Variants in LRRC4C observed in about 807,000 individuals in gnomAD.
The protein encoded by LRRC4C is leucine-rich repeat-containing protein 4C.
Under a neutral mutation model 33.6 loss-of-function variants are expected in LRRC4C, and 5 were observed. The observed-to-expected ratio is 0.15, with a 90% CI of 0.08 to 0.31. The LOEUF is 0.31. Ranked by LOEUF, LRRC4C falls within the 10% of genes least tolerant of loss-of-function variation. The pLI is 1.00. For synonymous variants in LRRC4C, 329 were observed against 302.0 expected (o/e 1.09, Z -0.93); for missense variants, 560 against 796.7 (o/e 0.70, Z 3.58).
chr11:40,870,153 C>T (rs1175520238), intron 2 of LRRC4C, among the ~76,000 whole-genome samples: 1 of 152,110 alleles, frequency 6.6e-6, no homozygotes, highest in Non-Finnish European at 1.5e-5. Context: ...AACAACAAGC[C>T]ATGTGGAGAA....
intron 3 of LRRC4C, among the ~76,000 whole-genome samples, chr11:40,606,639 A>G (rs1267953354): frequency 1.3e-5 from 2 of 152,160 alleles, no homozygotes; most frequent in African/African-American, 2.4e-5. Context: ...GAGCTGGCAA[A>G]AATTATATAT....
chr11:40,568,965 A>T (rs897588249), intron 3 of LRRC4C, among the ~76,000 whole-genome samples: 2 of 152,082 alleles, frequency 1.3e-5, no homozygotes, highest in African/African-American at 4.8e-5. Flanking sequence ...CTAGCTCTTT[A>T]CTCCACAGCT....
chr11:41,251,433 C>T (rs1309268466), intron 1 of LRRC4C, among the ~76,000 whole-genome samples: 2 of 152,190 alleles, frequency 1.3e-5, no homozygotes, highest in Non-Finnish European at 2.9e-5. Context: ...GTCCTAATAT[C>T]TCTCTGTATA....
chr11:40,277,840 C>T (rs1238445709), intron 4 of LRRC4C, among the ~76,000 whole-genome samples: 3 of 152,062 alleles, frequency 2.0e-5, no homozygotes, highest in Admixed American at 1.3e-4. Context: ...TGTTACCTAT[C>T]GCTGATTTTT....
chr11:40,727,652 G>A (rs1437111682), intron 2 of LRRC4C, among the ~76,000 whole-genome samples: 1 of 152,124 alleles, frequency 6.6e-6, no homozygotes, highest in Non-Finnish European at 1.5e-5. Context: ...CACAAACTAT[G>A]CATTCAACAG....
chr11:40,660,360 C>T (rs1603212), intron 2 of LRRC4C, among the ~76,000 whole-genome samples: 1 of 152,104 alleles, frequency 6.6e-6, no homozygotes, highest in Non-Finnish European at 1.5e-5. Context: ...GCAGAATAAC[C>T]CCAGCAGGCC....
At chr11:40,891,491 G>C (rs1351528887) in intron 2 of LRRC4C, among the ~76,000 whole-genome samples, 2 of 152,050 alleles carry the variant, frequency 1.3e-5, no homozygotes, top group African/African-American at 4.8e-5. Flanking sequence ...GAAAATATTT[G>C]CAAACTATCC....
chr11:41,198,883 A>G (rs1392651815), intron 1 of LRRC4C, among the ~76,000 whole-genome samples: 1 of 152,142 alleles, frequency 6.6e-6, no homozygotes, highest in Non-Finnish European at 1.5e-5. Context: ...TGAACTATGT[A>G]TTGAGCAAAA....
chr11:40,551,332 A>C (rs188274522), intron 3 of LRRC4C, among the ~76,000 whole-genome samples: 1 of 141,664 alleles, frequency 7.1e-6, no homozygotes, highest in East Asian at 2.4e-4. Flanking sequence ...AGGTGGTTGC[A>C]TGAGATCATT....
rs896581580 is a variant in LRRC4C at position 40,137,330 on chromosome 11, C to G, written c.-43+3471G>C. 2.0e-5 allele frequency among the ~76,000 whole-genome samples: 3 copies of G among 152,094 alleles called. No homozygotes were observed. In the East Asian group the frequency reaches 5.8e-4, roughly 29 times the overall value. ...GTCAATCAACATCTCTGATTGATAC[C>G]TGGATTTTTATTTTTATTTTTTTGC... On this transcript the variant is annotated intron_variant, in intron 6 of 6. Coordinates refer to ENST00000528697, the MANE Select transcript of LRRC4C (RefSeq NM_001258419.2).
intron 1 of LRRC4C, among the ~76,000 whole-genome samples, chr11:40,978,525 C>G (rs1017260631): frequency 4.6e-5 from 7 of 152,134 alleles, no homozygotes; most frequent in Non-Finnish European, 8.8e-5. Flanking sequence ...CATAGGACAG[C>G]CCCCTTCACA....
intron 1 of LRRC4C, among the ~76,000 whole-genome samples, chr11:41,433,740 C>T (rs948266555): frequency 3.3e-5 from 5 of 151,906 alleles, no homozygotes; most frequent in East Asian, 1.9e-4. Flanking sequence ...AGCTTGCAGA[C>T]GGCCTATTGT....
At chr11:40,196,968 T>G (rs184121508) in intron 5 of LRRC4C, among the ~76,000 whole-genome samples, 1 of 152,334 alleles carries the variant, frequency 6.6e-6, no homozygotes, top group Non-Finnish European at 1.5e-5. Flanking sequence ...AATTGCTTGC[T>G]AATTGGATAA....
At chr11:40,365,686 G>A (rs763466526) in intron 3 of LRRC4C, among the ~76,000 whole-genome samples, 1 of 152,012 alleles carries the variant, frequency 6.6e-6, no homozygotes, top group Non-Finnish European at 1.5e-5. Context: ...GACTCAAGCT[G>A]ATGATTGTCA....
At chr11:40,565,074 T>C (rs1957700937) in intron 3 of LRRC4C, among the ~76,000 whole-genome samples, 1 of 152,124 alleles carries the variant, frequency 6.6e-6, no homozygotes. Flanking sequence ...GAATAGATAG[T>C]GGAGGAGAGA....
chr11:40,677,318 G>A (rs988744114), intron 2 of LRRC4C, among the ~76,000 whole-genome samples: 4 of 152,124 alleles, frequency 2.6e-5, no homozygotes, highest in Non-Finnish European at 4.4e-5. Flanking sequence ...CCTGGGAGGC[G>A]GAGGTTGCAG....
chr11:40,592,884 T>G (rs189049416), intron 3 of LRRC4C, among the ~76,000 whole-genome samples: 21 of 152,322 alleles, frequency 1.4e-4, no homozygotes, highest in Non-Finnish European at 2.1e-4. Flanking sequence ...CAAGCAACAC[T>G]TCAGGATATT....
chr11:41,058,363 A>C (rs1254800704), intron 1 of LRRC4C, among the ~76,000 whole-genome samples: 7 of 152,218 alleles, frequency 4.6e-5, no homozygotes, highest in Non-Finnish European at 1.0e-4. Flanking sequence ...TGCCTGCCCC[A>C]CTGCACATAT....
rs552276143 is a variant in LRRC4C at position 40,994,764 on chromosome 11, C to T, written c.-495-61041G>A. ...ACTTGGATGGGCTCTTTCCTTTACT[C>T]TCGCCGGTTTTTTCTTTACTGTCTC... On this transcript the variant is annotated intron_variant, in intron 1 of 6. Coordinates refer to ENST00000528697, the MANE Select transcript of LRRC4C (RefSeq NM_001258419.2). Among the ~76,000 whole-genome samples the T allele has an allele frequency of 1.3e-4, 20 of 151,892 alleles. No individual in the cohort carries two copies. In the South Asian group the frequency reaches 4.2e-3, roughly 32 times the overall value.
Sources: gnomAD v4.1 joint callset for allele counts (sites outside exome capture counted in the v4.1 genomes callset) on GRCh38, gnomAD v4.1.1 for gene constraint, MANE v1.5 for transcripts, NCBI Gene and HGNC (gene_info 2026-07-23, HGNC 2026-07-21) for gene names.